Variants in BAIAP2L1 observed in about 807,000 individuals in gnomAD.
BAIAP2L1 encodes BAR/IMD domain-containing adapter protein 2-like 1.
A neutral mutation model predicts 66.3 loss-of-function variants in BAIAP2L1; 35 were observed. That is an observed-to-expected ratio of 0.53 (90% CI 0.40 to 0.70). The LOEUF (loss-of-function observed/expected upper bound fraction) is 0.70. BAIAP2L1 is among the 30% of genes least tolerant of loss of function. The pLI, the probability that BAIAP2L1 is intolerant of heterozygous loss-of-function variation, is 0.00. For synonymous variants in BAIAP2L1, 269 were observed against 248.7 expected, an observed-to-expected ratio of 1.08 and a Z score of -0.77; for missense variants, 622 against 656.9, an observed-to-expected ratio of 0.95 and a Z score of 0.58.
intron 6 of BAIAP2L1, 59 bp from the exon 7 acceptor site, chr7:98,315,671 A>T: frequency 1.1e-6 from 1 of 899,270 alleles, no homozygotes; most frequent in South Asian, 4.6e-5. Context: ...AGCATCAGAT[A>T]GCGTGCAGCC....
intron 3 of BAIAP2L1, among the ~76,000 whole-genome samples, chr7:98,341,540 A>T (rs900259405): frequency 6.6e-6 from 1 of 152,126 alleles, no homozygotes; most frequent in Admixed American, 6.6e-5. Flanking sequence ...TTTATTTTTT[A>T]AAAAAGCACA....
At chr7:98,335,993 C>T (rs1396991072) in intron 3 of BAIAP2L1, among the ~76,000 whole-genome samples, 1 of 152,174 alleles carries the variant, frequency 6.6e-6, no homozygotes, top group Non-Finnish European at 1.5e-5. Context: ...ATGTCCTTTG[C>T]AGTAGCATGG....
chr7:98,293,478 A>C lies in BAIAP2L1; in HGVS notation c.*43T>G, dbSNP rs1022555483. ...AGACAGGATGCGCCCATCATTCCGC[A>C]AGGGAGAACCGGAGAGGCCCGGGAG... On this transcript the variant is annotated 3_prime_UTR_variant, in exon 14 of 14. Transcript: ENST00000005260. 1.9e-6 allele frequency: 3 copies of C among 1,575,096 alleles called. No individual in the cohort carries two copies. The African/African-American group carries it at 4.0e-5, about 21-fold the overall frequency.
chr7:98,368,017 G>A (rs1195526738), intron 1 of BAIAP2L1, among the ~76,000 whole-genome samples: 2 of 152,070 alleles, frequency 1.3e-5, no homozygotes, highest in African/African-American at 4.8e-5. Flanking sequence ...TAACACACAC[G>A]CCTCTTTTGT....
Position 98,335,110 on chromosome 7 carries a change from GC to G in BAIAP2L1, c.215-14813del, listed in dbSNP as rs528806924. On this transcript the variant is annotated intron_variant, in intron 3 of 13. Transcript: ENST00000005260. ...GGAGCTGGCAGTGAGCCGAGATGACGCCACTGCACTCCAGCCTGGGTGACAG... is the reference window on the plus strand; with the variant it reads ...GGAGCTGGCAGTGAGCCGAGATGACGCACTGCACTCCAGCCTGGGTGACAG... Among the ~76,000 whole-genome samples the G allele has an allele frequency of 8.4e-5, 11 of 131,266 alleles. No homozygotes were observed. The East Asian group carries it at 2.6e-3, about 31-fold the overall frequency. The allele number at this position is 131,266 out of a possible 152,430, so 86.1% of individuals were successfully genotyped here.
At chr7:98,327,356 G>GTAAATAAA (rs57971788) in intron 3 of BAIAP2L1, among the ~76,000 whole-genome samples, 3,447 of 142,356 alleles carry the variant, frequency 0.024, 61 homozygotes, top group Middle Eastern at 0.036. Context: ...GCAAGACCTT[G>GTAAATAAA]TAAATAAATA....
chr7:98,361,349 T>A (rs1337663515), intron 2 of BAIAP2L1, among the ~76,000 whole-genome samples: 2 of 149,150 alleles, frequency 1.3e-5, no homozygotes, highest in African/African-American at 5.0e-5. Flanking sequence ...AGAGCAAGAC[T>A]CTGTCTGGGA....
intron 2 of BAIAP2L1, among the ~76,000 whole-genome samples, chr7:98,358,983 G>A (rs1029807082): frequency 6.6e-6 from 1 of 152,112 alleles, no homozygotes; most frequent in African/African-American, 2.4e-5. Flanking sequence ...GCTGGGCACT[G>A]GGGCTTATAC....
At chr7:98,357,424 G>A (rs183317905) in intron 2 of BAIAP2L1, among the ~76,000 whole-genome samples, 197 of 150,876 alleles carry the variant, frequency 1.3e-3, no homozygotes, top group Admixed American at 3.1e-3. Context: ...AAAATTAGCC[G>A]GGCATGGTGG....
Position 98,320,243 on chromosome 7 carries a change from A to G in BAIAP2L1, c.270T>C (p.Asp90=), listed in dbSNP as rs148938749. The part of the protein sequence containing the change: ...STHKKLNESL[D]ENFKKFHKEI... ...AGAAACACAGATCACGTACATTTTC[A>G]TCAAGACTCTCGTTGAGTTTCTTGT... Residue 90 remains aspartate, a synonymous_variant, in exon 4 of 14, where the codon GAT becomes GAC. Transcript: ENST00000005260. 1.2e-5 allele frequency: 19 copies of G among 1,608,906 alleles called. No homozygotes were observed. The East Asian group carries it at 3.8e-4, about 32-fold the overall frequency.
At chr7:98,293,741 A>T (rs1800066825) in intron 13 of BAIAP2L1, 145 bp from the exon 14 acceptor site, 2 of 766,512 alleles carry the variant, frequency 2.6e-6, no homozygotes, top group East Asian at 2.6e-5. Flanking sequence ...GCGTTTTCTG[A>T]GTGTGAAAGT....
At chr7:98,357,134 G>A (rs1263954585) in intron 2 of BAIAP2L1, among the ~76,000 whole-genome samples, 1 of 132,658 alleles carries the variant, frequency 7.5e-6, no homozygotes, top group African/African-American at 2.8e-5. Context: ...GGATCCTCTT[G>A]CCTGAGTCAC....
chr7:98,293,480 G>C lies in BAIAP2L1; in HGVS notation c.*41C>G, dbSNP rs1331817363. 6.3e-7 allele frequency: 1 copy of C among 1,578,210 alleles called. No individual in the cohort carries two copies. The highest frequency in any genetic ancestry group is 1.3e-5 in the African/African-American group (1 of 74,606). ...ACAGGATGCGCCCATCATTCCGCAA[G>C]GGAGAACCGGAGAGGCCCGGGAGAG... On this transcript the variant is annotated 3_prime_UTR_variant, in exon 14 of 14. Transcript: ENST00000005260.
At chr7:98,351,859 T>C (rs1321119278) in intron 3 of BAIAP2L1, among the ~76,000 whole-genome samples, 1 of 152,136 alleles carries the variant, frequency 6.6e-6, no homozygotes, top group Non-Finnish European at 1.5e-5. Context: ...CTGCTAGACA[T>C]CAGAAATGGC....
intron 2 of BAIAP2L1, among the ~76,000 whole-genome samples, chr7:98,357,049 ATTTTTTTTTTTTTTT>A (rs750965128): frequency 7.9e-5 from 1 of 12,620 alleles, no homozygotes; most frequent in African/African-American, 2.8e-4. Flanking sequence ...ATATATATAT[ATTTTTTTTTTTTTTT>A]TTTTAAGAGT....
At chr7:98,343,459 T>TAAATAAATAAAAATAAAAA (rs1801797551) in intron 3 of BAIAP2L1, among the ~76,000 whole-genome samples, 1 of 151,734 alleles carries the variant, frequency 6.6e-6, no homozygotes, top group Non-Finnish European at 1.5e-5. Flanking sequence ...TCAAAATAAA[T>TAAATAAATAAAAATAAAAA]AAATAAATAA....
At position 98,343,013 on chromosome 7, in the gene BAIAP2L1, T is replaced by C. The variant is rs184700411; in HGVS notation, c.214+12029A>G. Among the ~76,000 whole-genome samples the C allele has an allele frequency of 2.7e-4, 41 of 151,858 alleles. 1 individual carries two copies. In the East Asian group the frequency reaches 8.0e-3, roughly 30 times the overall value. ...ATAAAGGATTTAACTTTATCACACG[T>C]GATAAAGTCACATGAGTGACTTTAG... On this transcript the variant is annotated intron_variant, in intron 3 of 13. Coordinates refer to ENST00000005260, the MANE Select transcript of BAIAP2L1 (RefSeq NM_018842.5).
intron 1 of BAIAP2L1, among the ~76,000 whole-genome samples, chr7:98,365,815 CTTGTTT>C (rs1802378370): frequency 6.6e-6 from 1 of 152,184 alleles, no homozygotes; most frequent in Admixed American, 6.5e-5. Flanking sequence ...CTCTCCTGTT[CTTGTTT>C]TATAGATGCA....
intron 12 of BAIAP2L1, among the ~76,000 whole-genome samples, chr7:98,301,270 C>T (rs559364699): frequency 3.1e-4 from 47 of 152,306 alleles, no homozygotes; most frequent in African/African-American, 1.1e-3. Flanking sequence ...CTGGATGGGC[C>T]TTCTCATCGA....
Sources: allele counts gnomAD v4.1 joint callset (sites outside exome capture counted in the v4.1 genomes callset), GRCh38; gene constraint gnomAD v4.1.1; transcripts MANE v1.5; gene names NCBI Gene and HGNC (gene_info 2026-07-23, HGNC 2026-07-21).